The following HS1BP3 variants were observed in gnomAD, a reference collection of about 807,000 sequenced individuals.
HS1BP3 encodes HCLS1-binding protein 3.
HS1BP3 carries 32 observed loss-of-function variants against 33.5 expected under a neutral mutation model. That is an observed-to-expected ratio of 0.95 (90% CI 0.72 to 1.28). HS1BP3 has a LOEUF of 1.28. HS1BP3 is among the 50% of genes most tolerant of loss of function. The probability of loss-of-function intolerance (pLI) is 0.00; values close to 1 mark genes in which losing one functional copy is unlikely to be tolerated. For synonymous variants in HS1BP3, 187 were observed against 209.2 expected, an observed-to-expected ratio of 0.89 and a Z score of 0.92; for missense variants, 486 against 502.3, an observed-to-expected ratio of 0.97 and a Z score of 0.31.
chr2:20,571,704 C>T (rs1209948572), intron 5 of HS1BP3, among the ~76,000 whole-genome samples: 3 of 152,192 alleles, frequency 2.0e-5, no homozygotes. Flanking sequence ...TTCTGTGCCC[C>T]TGCCTTGGGC....
At chr2:20,606,542 TCTTTGGAGCA>T (rs1393656388) in intron 2 of HS1BP3, 8 of 484,892 alleles carry the variant, frequency 1.6e-5, no homozygotes, top group African/African-American at 1.6e-4. Context: ...CCGAACTATG[TCTTTGGAGCA>T]CTTCTTCTTT....
chr2:20,600,579 A>G (rs527532908), intron 2 of HS1BP3, among the ~76,000 whole-genome samples: 1 of 152,300 alleles, frequency 6.6e-6, no homozygotes, highest in South Asian at 2.1e-4. Context: ...ACCAACCATA[A>G]AATAGCACGG....
chr2:20,606,091 C>T (rs1180255516), intron 2 of HS1BP3, among the ~76,000 whole-genome samples: 1 of 151,934 alleles, frequency 6.6e-6, no homozygotes, highest in Non-Finnish European at 1.5e-5. Context: ...AGTTCCTCTA[C>T]ATCCTCACCA....
At chr2:20,570,592 A>AATTGC (rs1460688207) in intron 5 of HS1BP3, among the ~76,000 whole-genome samples, 1 of 152,154 alleles carries the variant, frequency 6.6e-6, no homozygotes, top group African/African-American at 2.4e-5. Flanking sequence ...GTAAATGTCT[A>AATTGC]ATTGCCTTAT....
chr2:20,598,053 T>C (rs75667093), intron 3 of HS1BP3, among the ~76,000 whole-genome samples: 3,651 of 152,274 alleles, frequency 0.024, 42 homozygotes, highest in Middle Eastern at 0.031. Flanking sequence ...CTAACCTTTT[T>C]GGCATCAGGG....
At chr2:20,619,321 G>C in intron 6 of HS1BP3, 76 bp from the exon 7 acceptor site, 1 of 1,288,068 alleles carries the variant, frequency 7.8e-7, no homozygotes, top group Non-Finnish European at 1.1e-6. Flanking sequence ...GGCAATGCCA[G>C]TGCCCACACG....
At chr2:20,601,833 C>G (rs184720344) in intron 2 of HS1BP3, among the ~76,000 whole-genome samples, 2 of 118,656 alleles carry the variant, frequency 1.7e-5, no homozygotes, top group South Asian at 5.9e-4. Flanking sequence ...GGCTGGAGTG[C>G]AGTGGCGTGA....
intron 2 of HS1BP3, among the ~76,000 whole-genome samples, chr2:20,600,616 G>A (rs192660392): frequency 4.9e-4 from 75 of 152,306 alleles, no homozygotes; most frequent in Admixed American, 2.9e-3. Context: ...TGATGATGCT[G>A]ATTGTATTTT....
At position 20,585,787 on chromosome 2, in the gene HS1BP3, C is replaced by G. The variant is rs575998288; in HGVS notation, c.303-25272G>C. Among the ~76,000 whole-genome samples, 4 of 152,358 alleles carry G rather than the reference C, an allele frequency of 2.6e-5. No homozygotes were observed. The South Asian group carries it at 8.3e-4, about 32-fold the overall frequency. ...AAGTGACAGCGTGCACAATACCGTTCGCTTGCAACAGCAGCCCCGTCATGG... is the reference window on the plus strand; with the variant it reads ...AAGTGACAGCGTGCACAATACCGTTGGCTTGCAACAGCAGCCCCGTCATGG... On this transcript the variant is annotated intron_variant, in intron 5 of 5. Coordinates refer to the HS1BP3 transcript ENST00000446825.
chr2:20,598,910 C>T (rs953070643), intron 2 of HS1BP3, among the ~76,000 whole-genome samples: 5 of 152,292 alleles, frequency 3.3e-5, no homozygotes, highest in Admixed American at 1.3e-4. Flanking sequence ...TGTAAACTTC[C>T]CCCTTTCTTC....
At chr2:20,641,426 CTG>C (rs1352560686) in intron 2 of HS1BP3, among the ~76,000 whole-genome samples, 1 of 152,232 alleles carries the variant, frequency 6.6e-6, no homozygotes, top group African/African-American at 2.4e-5. Flanking sequence ...ATTCTGGACA[CTG>C]TCACAGGTCC....
Position 20,647,163 on chromosome 2 carries a change from C to T in HS1BP3, c.33-1658G>A, listed in dbSNP as rs188225051. On this transcript the variant is annotated intron_variant, in intron 1 of 6. Coordinates refer to ENST00000304031, the MANE Select transcript of HS1BP3 (RefSeq NM_022460.4). ...AGCAGACCCAGATGGGCACCTCCCA[C>T]GATCCAGCTCCCTCACAGCACCCCA... 8.5e-5 allele frequency among the ~76,000 whole-genome samples: 13 copies of T among 152,288 alleles called. No individual in the cohort carries two copies. The East Asian group carries it at 1.4e-3, about 16-fold the overall frequency.
intron 5 of HS1BP3, among the ~76,000 whole-genome samples, chr2:20,583,385 C>T (rs1195133004): frequency 7.1e-6 from 1 of 140,696 alleles, no homozygotes; most frequent in Non-Finnish European, 1.5e-5. Flanking sequence ...GGGCAGCTTA[C>T]TGGGTTATCA....
intron 5 of HS1BP3, among the ~76,000 whole-genome samples, chr2:20,571,395 G>A (rs186601118): frequency 2.0e-5 from 3 of 152,172 alleles, no homozygotes; most frequent in African/African-American, 7.2e-5. Context: ...GACTCTTGGA[G>A]CCAGAGGCCT....
rs1694313999 is a variant in HS1BP3, at chr2:20,611,296, C to T, written c.178+12600G>A. Among the ~76,000 whole-genome samples the T allele has an allele frequency of 6.6e-6, 1 of 152,152 alleles. No individual in the cohort carries two copies. Among genetic ancestry groups the T allele is most frequent in the African/African-American group, 2.4e-5 (1 of 41,424 alleles). On this transcript the variant is annotated intron_variant, in intron 2 of 3. Transcript: ENST00000415264. The surrounding 1 kb of genome is among the most constrained non-coding windows in gnomAD (Gnocchi z 4.9). Reference sequence around the variant, plus strand: ...GTCTAAGTCTTTGTGTGTGTGGCTTCTTTTCGAAGGAAGGGGGAACGCTGG... The same window carrying T: ...GTCTAAGTCTTTGTGTGTGTGGCTTTTTTTCGAAGGAAGGGGGAACGCTGG...
At chr2:20,561,068 T>C (rs1042261590) in intron 5 of HS1BP3, among the ~76,000 whole-genome samples, 7 of 152,164 alleles carry the variant, frequency 4.6e-5, no homozygotes, top group Non-Finnish European at 8.8e-5. Flanking sequence ...GGTCTAGACT[T>C]GCACTGACTC....
At chr2:20,647,318 C>A (rs543542302) in intron 1 of HS1BP3, among the ~76,000 whole-genome samples, 2 of 152,356 alleles carry the variant, frequency 1.3e-5, no homozygotes, top group African/African-American at 2.4e-5. Context: ...CAGAGCTGAG[C>A]TGGCCTGGTC....
At chr2:20,555,035 G>T in the HS1BP3 span, among the ~76,000 whole-genome samples, 1 of 152,024 alleles carries the variant, frequency 6.6e-6, no homozygotes, top group Non-Finnish European at 1.5e-5. Context: ...TCCCTGCCTC[G>T]GCCTGAAACG....
chr2:20,645,095 C>T (rs1213281576), intron 2 of HS1BP3, among the ~76,000 whole-genome samples: 1 of 152,294 alleles, frequency 6.6e-6, no homozygotes, highest in East Asian at 1.9e-4. Context: ...ACCCCCAGAG[C>T]CCCCCAGGTG....
Sources: allele counts gnomAD v4.1 joint callset (sites outside exome capture counted in the v4.1 genomes callset), GRCh38; gene constraint gnomAD v4.1.1; non-coding constraint Gnocchi (gnomAD v3.1); transcripts MANE v1.5; gene names NCBI Gene and HGNC (gene_info 2026-07-23, HGNC 2026-07-21).